The following RTTN variants were observed in gnomAD, a reference collection of about 807,000 sequenced individuals.
RTTN encodes the protein rotatin.
RTTN carries 182 observed loss-of-function variants against 269.2 expected under a neutral mutation model. The ratio of observed to expected loss-of-function variants is 0.68; its 90% CI spans 0.60 to 0.76. The LOEUF (loss-of-function observed/expected upper bound fraction) is 0.76. Among genes scored for constraint, RTTN ranks in the 30% least tolerant of loss-of-function variants. The pLI, the probability that RTTN is intolerant of heterozygous loss-of-function variation, is 0.00. For synonymous variants in RTTN, 1,006 were observed against 963.5 expected (o/e 1.04, Z -0.82); for missense variants, 2,545 against 2,608.6 (o/e 0.98, Z 0.53).
chr18:70,084,728 G>A (rs368731103), intron 32 of RTTN, among the ~76,000 whole-genome samples: 9 of 151,716 alleles, frequency 5.9e-5, no homozygotes, highest in African/African-American at 1.9e-4. Context: ...AGCAAAAGTT[G>A]TAATCAACTA....
intron 11 of RTTN, among the ~76,000 whole-genome samples, chr18:70,173,349 C>T (rs964518010): frequency 4.0e-5 from 6 of 151,746 alleles, no homozygotes; most frequent in African/African-American, 1.5e-4. Flanking sequence ...AAAAATTAGC[C>T]GGGCATGGTG....
In RTTN at chr18:70,169,184, T is replaced by A. The variant is rs915670441; in HGVS notation, c.1477-117A>T. On this transcript the variant is annotated intron_variant, in intron 11 of 48. Coordinates refer to ENST00000640769, the MANE Select transcript of RTTN (RefSeq NM_173630.4). ...CAACTTCCTTTTTAGCAATTCTTTGTCAAAAAACTGAAACTTTTTCCAAAG... is the reference window on the plus strand; with the variant it reads ...CAACTTCCTTTTTAGCAATTCTTTGACAAAAAACTGAAACTTTTTCCAAAG... 1.0e-5 allele frequency: 7 copies of A among 695,774 alleles called. No homozygotes were observed. The African/African-American group carries it at 1.1e-4, about 11-fold the overall frequency. 43.1% of individuals were successfully genotyped at this position (695,774 alleles called of 1,614,324 possible).
At chr18:70,040,647 T>C (rs1346237162) in intron 40 of RTTN, among the ~76,000 whole-genome samples, 3 of 152,208 alleles carry the variant, frequency 2.0e-5, no homozygotes, top group Admixed American at 2.0e-4. Context: ...TTACCGAACA[T>C]TTCATCTAAT....
intron 28 of RTTN, 110 bp from the exon 29 acceptor site, chr18:70,092,914 G>T: frequency 1.1e-6 from 1 of 936,120 alleles, no homozygotes; most frequent in Non-Finnish European, 1.5e-6. Flanking sequence ...ACCTTATAAA[G>T]TTGTAATATT....
chr18:70,199,566 TTAAGAG>T, intron 4 of RTTN, 62 bp from the exon 5 acceptor site: 1 of 1,198,360 alleles, frequency 8.3e-7, no homozygotes, highest in Non-Finnish European at 1.2e-6. Context: ...ATTCACAATG[TTAAGAG>T]TAAGTTTTCC....
Position 70,048,071 on chromosome 18 carries a change from C to T in RTTN, c.5441G>A (p.Ser1814Asn), listed in dbSNP as rs781598464. ...TGGACTACAGCATAAATGTGTTTTG[C>T]TCTTAGCCTGGAGATGCCCTTTTGC... ...EEAKGHLQAK[S>N]KTHLCCSPTV... The change falls in exon 40 of 49, where the codon AGC (serine) becomes AAC (asparagine). Residue 1814 changes from serine (S) to asparagine (N), a missense_variant. Coordinates refer to ENST00000640769, the MANE Select transcript of RTTN (RefSeq NM_173630.4). 3 of 1,614,010 alleles carry T rather than the reference C, an allele frequency of 1.9e-6. No individual in the cohort carries two copies. Among genetic ancestry groups the T allele is most frequent in the South Asian group, 2.2e-5 (2 of 91,086 alleles).
chr18:70,191,627 T>A (rs2061673713), intron 8 of RTTN, among the ~76,000 whole-genome samples: 1 of 152,216 alleles, frequency 6.6e-6, no homozygotes. Flanking sequence ...GGAGTAAGGA[T>A]TTAAAAAGTG....
chr18:70,084,191 G>C (rs932307847), intron 32 of RTTN, among the ~76,000 whole-genome samples: 1 of 150,434 alleles, frequency 6.6e-6, no homozygotes, highest in Admixed American at 6.6e-5. Context: ...CTGCAGGCAG[G>C]AAAACAAAGT....
At chr18:70,026,106 T>A (rs2145562421) in intron 43 of RTTN, among the ~76,000 whole-genome samples, 1 of 152,342 alleles carries the variant, frequency 6.6e-6, no homozygotes, top group Admixed American at 6.5e-5. Flanking sequence ...TGCCTCACAT[T>A]TAATCTTTAG....
intron 44 of RTTN, among the ~76,000 whole-genome samples, chr18:70,023,132 G>A (rs976640012): frequency 1.3e-5 from 2 of 152,080 alleles, no homozygotes; most frequent in Non-Finnish European, 2.9e-5. Context: ...TGGGTCGTTT[G>A]AGACAGCCCT....
intron 26 of RTTN, among the ~76,000 whole-genome samples, chr18:70,114,873 A>G (rs570626271): frequency 2.3e-4 from 35 of 152,210 alleles, no homozygotes; most frequent in African/African-American, 7.9e-4. Flanking sequence ...CCACTATTAT[A>G]TATTGATATA....
At chr18:70,015,019 T>C (rs1485499868) in intron 46 of RTTN, among the ~76,000 whole-genome samples, 1 of 152,158 alleles carries the variant, frequency 6.6e-6, no homozygotes, top group Non-Finnish European at 1.5e-5. Flanking sequence ...CTGTCTAGCA[T>C]GTTATTGTCG....
At chr18:70,204,016 TA>T in intron 3 of RTTN, 69 bp downstream of exon 3, 1 of 1,199,996 alleles carries the variant, frequency 8.3e-7, no homozygotes, top group Non-Finnish European at 1.2e-6. Context: ...TAAAAAAATC[TA>T]ATCTCCCTTT....
At chr18:70,072,208 T>A (rs2058313908) in intron 34 of RTTN, among the ~76,000 whole-genome samples, 1 of 152,110 alleles carries the variant, frequency 6.6e-6, no homozygotes, top group African/African-American at 2.4e-5. Flanking sequence ...CTAAAAGTTG[T>A]TTGGAAACCT....
At chr18:70,088,312 T>C (rs1000787988) in intron 30 of RTTN, among the ~76,000 whole-genome samples, 165 bp from the exon 31 acceptor site, 13 of 152,204 alleles carry the variant, frequency 8.5e-5, no homozygotes, top group African/African-American at 2.9e-4. Context: ...CATTCCATGA[T>C]TCAAGAAAGC....
intron 45 of RTTN, among the ~76,000 whole-genome samples, chr18:70,020,211 T>A (rs1345073203): frequency 6.6e-6 from 1 of 152,188 alleles, no homozygotes; most frequent in Non-Finnish European, 1.5e-5. Context: ...CTGGGGGAAG[T>A]GGGCTGTGAT....
chr18:70,197,710 T>C lies in RTTN; in HGVS notation c.607A>G (p.Ile203Val). The C allele has an allele frequency of 1.2e-6, 2 of 1,611,648 alleles. No individual in the cohort carries two copies. The highest frequency in any genetic ancestry group is 1.7e-6 in the Non-Finnish European group (2 of 1,177,764). The change falls in exon 6 of 49, where the codon ATC becomes GTC. Residue 203 changes from isoleucine (I) to valine (V), a missense_variant. Transcript: ENST00000640769. ...TTCAATAGTTCACAGGTGTTCCAGATTAAAGTGTGGTTACTACTTCTTAAA... is the reference window on the plus strand; with the variant it reads ...TTCAATAGTTCACAGGTGTTCCAGACTAAAGTGTGGTTACTACTTCTTAAA... ...SSLRSSNHTL[I>V]WNTCELLKDV...
intron 46 of RTTN, among the ~76,000 whole-genome samples, chr18:70,017,142 C>G (rs1394391746): frequency 6.6e-6 from 1 of 152,060 alleles, no homozygotes; most frequent in African/African-American, 2.4e-5. Context: ...GAAGGTAAGG[C>G]CAGGGAGCCC....
At chr18:70,015,616 G>C (rs935505264) in intron 46 of RTTN, among the ~76,000 whole-genome samples, 4 of 152,124 alleles carry the variant, frequency 2.6e-5, no homozygotes, top group African/African-American at 7.2e-5. Flanking sequence ...AAAGCCCACT[G>C]ATCTCTAGTC....
Sources: gnomAD v4.1 joint callset for allele counts (sites outside exome capture counted in the v4.1 genomes callset) on GRCh38, gnomAD v4.1.1 for gene constraint, MANE v1.5 for transcripts, NCBI Gene and HGNC (gene_info 2026-07-23, HGNC 2026-07-21) for gene names.